CKAP5: variants seen among roughly 807,000 people sequenced by gnomAD.
CKAP5 encodes cytoskeleton associated protein 5, also known as cytoskeleton-associated protein 5.
Under a neutral mutation model 232.8 loss-of-function variants are expected in CKAP5, and 27 were observed. That is an observed-to-expected ratio of 0.12 (90% CI 0.09 to 0.16). The LOEUF is 0.16. Among genes scored for constraint, CKAP5 ranks in the 10% least tolerant of loss-of-function variants. The probability of loss-of-function intolerance (pLI) is 1.00; values close to 1 mark genes in which losing one functional copy is unlikely to be tolerated. For missense variants in CKAP5, 1,838 were observed against 2,424.7 expected (o/e 0.76, Z 5.08); for synonymous variants, 785 against 841.1 (o/e 0.93, Z 1.16).
chr11:46,809,601 G>C, intron 6 of CKAP5, 101 bp from the exon 7 acceptor site: 2 of 1,313,400 alleles, frequency 1.5e-6, no homozygotes, highest in Non-Finnish European at 2.2e-6. Flanking sequence ...TAATAGAGAA[G>C]GGACCAGAGT....
intron 1 of CKAP5, among the ~76,000 whole-genome samples, chr11:46,824,579 C>T (rs1939611084): frequency 1.3e-5 from 2 of 152,148 alleles, no homozygotes; most frequent in South Asian, 4.1e-4. Flanking sequence ...CCCTACCACC[C>T]CCACCAACTG....
chr11:46,778,495 A>C lies in CKAP5; in HGVS notation c.2538T>G (p.Asn846Lys). 1 of 1,614,104 alleles carries C rather than the reference A, an allele frequency of 6.2e-7. No homozygotes were observed. Among genetic ancestry groups the C allele is most frequent in the Non-Finnish European group, 8.5e-7 (1 of 1,180,000 alleles). The part of the protein sequence containing the change: ...EDGDEPDDGS[N>K]DVVDLLPRTE... Reference sequence around the variant, plus strand: ...TCCTCGGCAAAAGATCAACGACATCATTGCTCCCGTCATCTGGTTCATCTC... The same window carrying C: ...TCCTCGGCAAAAGATCAACGACATCCTTGCTCCCGTCATCTGGTTCATCTC... Residue 846 changes from asparagine to lysine, a missense_variant, in exon 21 of 44, where the codon AAT becomes AAG. By Grantham distance (94) the Asn-to-Lys change is moderately conservative. Transcript: ENST00000529230.
chr11:46,786,864 A>C (rs2065398859), intron 16 of CKAP5, among the ~76,000 whole-genome samples: 1 of 152,214 alleles, frequency 6.6e-6, no homozygotes. Flanking sequence ...GGTGGGAGAC[A>C]GATCACATTG....
chr11:46,784,239 G>A (rs529186434), intron 17 of CKAP5, among the ~76,000 whole-genome samples: 3 of 151,906 alleles, frequency 2.0e-5, no homozygotes, highest in Non-Finnish European at 2.9e-5. Context: ...GTGGTGGCAG[G>A]TGCCTGTAAT....
chr11:46,803,006 G>C (rs560628119), intron 8 of CKAP5, among the ~76,000 whole-genome samples: 1 of 152,224 alleles, frequency 6.6e-6, no homozygotes, highest in South Asian at 2.1e-4. Context: ...GTTCACGCTT[G>C]TAACCTCAGG....
intron 8 of CKAP5, among the ~76,000 whole-genome samples, chr11:46,803,765 ATT>A (rs1399740585): frequency 1.3e-5 from 2 of 152,170 alleles, no homozygotes; most frequent in Non-Finnish European, 2.9e-5. Flanking sequence ...CCTAATAAAC[ATT>A]TTGTTAAATC....
At chr11:46,782,905 C>G (rs1200300685) in intron 18 of CKAP5, among the ~76,000 whole-genome samples, 1 of 152,206 alleles carries the variant, frequency 6.6e-6, no homozygotes, top group Non-Finnish European at 1.5e-5. Context: ...GTTAAACAAG[C>G]TCTTCTATTG....
chr11:46,754,852 T>G (rs763650676), intron 36 of CKAP5, 36 bp downstream of exon 36: 39 of 1,582,510 alleles, frequency 2.5e-5, no homozygotes, highest in Non-Finnish European at 3.2e-5. Context: ...GCTGAGAGAT[T>G]GATGGGAAGC....
intron 4 of CKAP5, among the ~76,000 whole-genome samples, chr11:46,811,526 G>T (rs548731179): frequency 1.3e-5 from 2 of 152,040 alleles, no homozygotes; most frequent in Non-Finnish European, 2.9e-5. Context: ...GCCCAGGCTA[G>T]AGTGGTATGG....
In CKAP5 at chr11:46,796,822, T is replaced by C. The variant is rs1273429719; in HGVS notation, c.1457A>G (p.Lys486Arg). The change falls in exon 12 of 44, where the codon AAG becomes AGG. Residue 486 changes from lysine to arginine, a missense_variant. Physicochemically the swap from Lys to Arg is conservative, Grantham distance 26 (BLOSUM62 2). This residue lies in a region of CKAP5 where 767 missense variants were observed against 954.6 expected (regional missense o/e 0.80). Transcript: ENST00000529230. ...CCATTACTAACCTACCTTATCAAGCTTGAGTTTGTCCACATCAGCTAGGAA... is the reference window on the plus strand; with the variant it reads ...CCATTACTAACCTACCTTATCAAGCCTGAGTTTGTCCACATCAGCTAGGAA... ...NPFLADVDKL[K>R]LDKIKECSEK... The C allele has an allele frequency of 5.6e-6, 9 of 1,613,826 alleles. No individual in the cohort carries two copies. The highest frequency in any genetic ancestry group is 1.7e-5 in the Admixed American group (1 of 59,996).
rs751524313 is a variant in CKAP5 at position 46,743,975 on chromosome 11, C to CTAGTT, written c.*43_*47dup. On this transcript the variant is annotated 3_prime_UTR_variant, in exon 44 of 44. Transcript: ENST00000529230. ...AGGCCATTTTAAACTATGAGGACTT[C>CTAGTT]TAGTTTAGTAAACTAAAGCTGCAGG... 1 of 1,610,170 alleles carries CTAGTT rather than the reference C, an allele frequency of 6.2e-7. No homozygotes were observed. The highest frequency in any genetic ancestry group is 8.5e-7 in the Non-Finnish European group (1 of 1,178,790).
At chr11:46,804,653 C>T (rs1265910724) in intron 8 of CKAP5, among the ~76,000 whole-genome samples, 2 of 151,682 alleles carry the variant, frequency 1.3e-5, no homozygotes, top group Non-Finnish European at 2.9e-5. Context: ...TAAAGCACAC[C>T]GTTGACAGAG....
intron 1 of CKAP5, among the ~76,000 whole-genome samples, chr11:46,832,162 A>C (rs1939808312): frequency 6.6e-6 from 1 of 152,186 alleles, no homozygotes; most frequent in African/African-American, 2.4e-5. Context: ...GCCTGGTCTT[A>C]TAAAGAAAAT....
chr11:46,782,013 C>G (rs1314575635), intron 18 of CKAP5, among the ~76,000 whole-genome samples: 1 of 151,928 alleles, frequency 6.6e-6, no homozygotes, highest in African/African-American at 2.4e-5. Context: ...TTAGTAGAAG[C>G]AGGGTTTCTC....
At chr11:46,839,975 C>CA (rs1332334086) in intron 1 of CKAP5, among the ~76,000 whole-genome samples, 1 of 151,874 alleles carries the variant, frequency 6.6e-6, no homozygotes, top group African/African-American at 2.4e-5. Context: ...CCCATCTCTA[C>CA]AAAAAATACA....
intron 24 of CKAP5, 130 bp downstream of exon 24, chr11:46,776,125 T>TGA (rs2065289112): frequency 2.8e-6 from 2 of 723,400 alleles, no homozygotes; most frequent in South Asian, 7.9e-5. Context: ...CCCAGGAATG[T>TGA]GATTTCATTT....
chr11:46,798,065 C>T lies in CKAP5; in HGVS notation c.1173+18G>A. On this transcript the variant is annotated intron_variant, in intron 10 of 43. Coordinates refer to ENST00000529230, the MANE Select transcript of CKAP5 (RefSeq NM_001008938.4). ...ACTTTACTTCAGATAAAACTACAAACTCATGCTGTCAACTTACAGTAAGGA... is the reference window on the plus strand; with the variant it reads ...ACTTTACTTCAGATAAAACTACAAATTCATGCTGTCAACTTACAGTAAGGA... The T allele has an allele frequency of 6.2e-7, 1 of 1,611,640 alleles. No homozygotes were observed. Among genetic ancestry groups the T allele is most frequent in the Non-Finnish European group, 8.5e-7 (1 of 1,178,470 alleles).
intron 27 of CKAP5, 139 bp from the exon 28 acceptor site, chr11:46,765,395 A>G: frequency 1.3e-6 from 1 of 748,690 alleles, no homozygotes; most frequent in Non-Finnish European, 2.0e-6. Context: ...AACATGCATC[A>G]CAGAATCTTG....
rs1271475364 is a variant in CKAP5 at position 46,743,241 on chromosome 11, G to C, written c.*782C>G. The C allele has an allele frequency of 6.6e-6, 1 of 152,190 alleles. No individual in the cohort carries two copies. The highest frequency in any genetic ancestry group is 1.9e-4 in the East Asian group (1 of 5,194). 9.4% of individuals were successfully genotyped at this position (152,190 alleles called of 1,614,324 possible). On this transcript the variant is annotated 3_prime_UTR_variant, in exon 44 of 44. Coordinates refer to ENST00000529230, the MANE Select transcript of CKAP5 (RefSeq NM_001008938.4). ...GTGCCTTTGGTCAGCAAAGTGGTAG[G>C]ATGCCCAAGAGCTTCTTGAAACGAC...
Sources: allele counts gnomAD v4.1 joint callset (sites outside exome capture counted in the v4.1 genomes callset), GRCh38; gene constraint gnomAD v4.1.1; regional missense constraint gnomAD v4.1.1; transcripts MANE v1.5; gene names NCBI Gene and HGNC (gene_info 2026-07-23, HGNC 2026-07-21).